PTN: variants seen among roughly 807,000 people sequenced by gnomAD.
The protein encoded by PTN is heparin affin regulatory protein.
Under a neutral mutation model 24.1 loss-of-function variants are expected in PTN, and 18 were observed. That is an observed-to-expected ratio of 0.75 (90% CI 0.52 to 1.11). PTN has a LOEUF of 1.11. PTN is among the 50% of genes least tolerant of loss of function. The pLI, the probability that PTN is intolerant of heterozygous loss-of-function variation, is 0.00. For missense variants in PTN, 163 were observed against 198.8 expected, an observed-to-expected ratio of 0.82 and a Z score of 1.08; for synonymous variants, 78 against 68.6, an observed-to-expected ratio of 1.14 and a Z score of -0.67.
intron 4 of PTN, chr7:137,236,167 A>G: frequency 1.4e-6 from 1 of 702,234 alleles, no homozygotes; most frequent in Non-Finnish European, 2.6e-6. Flanking sequence ...AGACGAATCC[A>G]TCTCCCTTCA....
intron 4 of PTN, among the ~76,000 whole-genome samples, chr7:137,230,749 G>C (rs1808413358): frequency 6.6e-6 from 1 of 151,756 alleles, no homozygotes; most frequent in Admixed American, 6.6e-5. Context: ...TACATGATGG[G>C]TTTAAAATAG....
intron 1 of PTN, among the ~76,000 whole-genome samples, chr7:137,311,466 C>T (rs1809981894): frequency 6.6e-6 from 1 of 152,134 alleles, no homozygotes; most frequent in Admixed American, 6.5e-5. Context: ...GCATGAAAGG[C>T]TTTGCTTTTG....
At chr7:137,272,560 G>A (rs1343836490) in intron 1 of PTN, among the ~76,000 whole-genome samples, 1 of 152,250 alleles carries the variant, frequency 6.6e-6, no homozygotes, top group Admixed American at 6.5e-5. Flanking sequence ...GCATATTATT[G>A]ATTCCATAAA....
At position 137,341,495 on chromosome 7, in the gene PTN, GACTATAAATATAGTTAGGTAT is replaced by G. The variant is rs542434437; in HGVS notation, c.-2+1923_-2+1943del. Among the ~76,000 whole-genome samples the G allele has an allele frequency of 9.7e-3, 1,480 of 152,050 alleles. 81 individuals carry two copies. Among genetic ancestry groups the G allele is most frequent in the Admixed American group, 0.079 (1,205 of 15,260 alleles). ...TATATATAATACATATAATACATTA[GACTATAAATATAGTTAGGTAT>G]ACCTTATTACTCTAATTATCTATAA... On this transcript the variant is annotated intron_variant, in intron 1 of 4. Coordinates refer to ENST00000348225, the MANE Select transcript of PTN (RefSeq NM_002825.7).
intron 1 of PTN, among the ~76,000 whole-genome samples, chr7:137,262,885 T>C (rs1023447433): frequency 6.6e-5 from 10 of 152,354 alleles, no homozygotes; most frequent in Admixed American, 5.9e-4. Flanking sequence ...GTTTCAGATC[T>C]GGTTCCTTGG....
At chr7:137,243,228 C>A (rs1460026132) in intron 4 of PTN, among the ~76,000 whole-genome samples, 1 of 152,226 alleles carries the variant, frequency 6.6e-6, no homozygotes, top group African/African-American at 2.4e-5. Context: ...AGCCACTGTG[C>A]CCGGCCTGCT....
chr7:137,304,040 C>A (rs1462437910), intron 1 of PTN, among the ~76,000 whole-genome samples: 4 of 151,986 alleles, frequency 2.6e-5, no homozygotes, highest in Non-Finnish European at 5.9e-5. Context: ...GCACAATGTA[C>A]TTCAAGTCCA....
intron 4 of PTN, among the ~76,000 whole-genome samples, chr7:137,247,645 CAA>C (rs1211811888): frequency 6.6e-6 from 1 of 152,050 alleles, no homozygotes; most frequent in Non-Finnish European, 1.5e-5. Context: ...TAAAATAACG[CAA>C]AGAGTGTGAT....
At chr7:137,248,315 T>C (rs1808759906) in intron 4 of PTN, among the ~76,000 whole-genome samples, 1 of 152,194 alleles carries the variant, frequency 6.6e-6, no homozygotes, top group Non-Finnish European at 1.5e-5. Context: ...GGAATGTGTG[T>C]GTGTGTGTGA....
At chr7:137,234,352 T>C (rs1808483058) in intron 4 of PTN, among the ~76,000 whole-genome samples, 1 of 152,012 alleles carries the variant, frequency 6.6e-6, no homozygotes, top group South Asian at 2.1e-4. Context: ...TAGAAAAGGA[T>C]GTACTGGATC....
intron 1 of PTN, among the ~76,000 whole-genome samples, chr7:137,309,403 G>C (rs185017484): frequency 6.6e-6 from 1 of 152,146 alleles, no homozygotes; most frequent in Non-Finnish European, 1.5e-5. Context: ...AGGGCAGTTG[G>C]TTGCTGAAGT....
chr7:137,304,104 T>G (rs1334110565), intron 1 of PTN, among the ~76,000 whole-genome samples: 5 of 151,906 alleles, frequency 3.3e-5, no homozygotes, highest in Non-Finnish European at 7.4e-5. Flanking sequence ...CCATACGGAG[T>G]TACCAAACAC....
At chr7:137,314,912 AG>A (rs1412005932) in intron 1 of PTN, among the ~76,000 whole-genome samples, 1 of 152,138 alleles carries the variant, frequency 6.6e-6, no homozygotes, top group Non-Finnish European at 1.5e-5. Context: ...TTGTGATACT[AG>A]TGACTCCTCC....
chr7:137,239,407 T>TTTATTTATTTATTTATTA (rs1431635224), intron 4 of PTN, among the ~76,000 whole-genome samples: 1 of 143,090 alleles, frequency 7.0e-6, no homozygotes, highest in African/African-American at 2.5e-5. Context: ...TATTTATTTA[T>TTTATTTATTTATTTATTA]TTATTATTAT....
chr7:137,326,479 A>G (rs1264552460), intron 1 of PTN: 3 of 152,162 alleles, frequency 2.0e-5, no homozygotes, highest in African/African-American at 4.8e-5. Flanking sequence ...TGTCTTAACT[A>G]CCTACTTACA....
At position 137,236,202 on chromosome 7, in the gene PTN, T is replaced by A. The variant is rs1464935390; in HGVS notation, c.452-8127A>T. 3 of 702,346 alleles carry A rather than the reference T, an allele frequency of 4.3e-6. No individual in the cohort carries two copies. In the East Asian group the frequency reaches 8.0e-5, roughly 19 times the overall value. 43.5% of individuals were successfully genotyped at this position (702,346 alleles called of 1,614,324 possible). A position where few individuals can be genotyped will look rare whatever the true frequency, so the allele number is the denominator to read the frequency against. On this transcript the variant is annotated intron_variant, in intron 4 of 4. Transcript: ENST00000348225. ...ACCCAAACACTCCTCTCTACCATCT[T>A]CTCAAACTCTCCCCACTCCTGTGTC...
chr7:137,319,471 C>A (rs561200607), intron 1 of PTN, among the ~76,000 whole-genome samples: 2 of 152,194 alleles, frequency 1.3e-5, no homozygotes, highest in African/African-American at 4.8e-5. Flanking sequence ...TGAATCAAGG[C>A]ACTCCAAGGG....
At chr7:137,234,899 A>T (rs1808493541) in intron 4 of PTN, among the ~76,000 whole-genome samples, 1 of 152,080 alleles carries the variant, frequency 6.6e-6, no homozygotes, top group African/African-American at 2.4e-5. Flanking sequence ...GACTTAAATA[A>T]AGTGTCTTTG....
chr7:137,252,952 C>T (rs1165240560), intron 3 of PTN, among the ~76,000 whole-genome samples: 1 of 151,520 alleles, frequency 6.6e-6, no homozygotes, highest in Non-Finnish European at 1.5e-5. Flanking sequence ...GGGGAGGGAT[C>T]AAATGGGAGA....
Sources: allele counts gnomAD v4.1 joint callset (sites outside exome capture counted in the v4.1 genomes callset), GRCh38; gene constraint gnomAD v4.1.1; transcripts MANE v1.5; gene names NCBI Gene and HGNC (gene_info 2026-07-23, HGNC 2026-07-21).